SULT2B1: variants seen among roughly 807,000 people sequenced by gnomAD.
SULT2B1 encodes the protein sulfotransferase family 2B member 1.
Under a neutral mutation model 33.2 loss-of-function variants are expected in SULT2B1, and 16 were observed. That is an observed-to-expected ratio of 0.48 (90% CI 0.33 to 0.73). The LOEUF (loss-of-function observed/expected upper bound fraction) is 0.73. SULT2B1 is among the 30% of genes least tolerant of loss of function. The probability of loss-of-function intolerance (pLI) is 0.02; values close to 1 mark genes in which losing one functional copy is unlikely to be tolerated. For synonymous variants in SULT2B1, 186 were observed against 200.5 expected (o/e 0.93, Z 0.61); for missense variants, 500 against 506.0 (o/e 0.99, Z 0.11).
intron 2 of SULT2B1, among the ~76,000 whole-genome samples, chr19:48,584,770 G>C (rs1317806599): frequency 6.6e-6 from 1 of 151,822 alleles, no homozygotes; most frequent in Non-Finnish European, 1.5e-5. Flanking sequence ...GTGGGCGCAG[G>C]CTGGGCATGG....
chr19:48,554,408 G>A (rs1253308513), intron 1 of SULT2B1, among the ~76,000 whole-genome samples: 1 of 114,328 alleles, frequency 8.7e-6, no homozygotes, highest in East Asian at 2.3e-4. Context: ...TTCCCCCTCT[G>A]CTCGCCCCCA....
At chr19:48,578,020 C>T (rs1973437547) in intron 2 of SULT2B1, among the ~76,000 whole-genome samples, 1 of 151,336 alleles carries the variant, frequency 6.6e-6, no homozygotes, top group African/African-American at 2.4e-5. Context: ...AGTTCAAGCC[C>T]AGCCTGGGCA....
intron 1 of SULT2B1, among the ~76,000 whole-genome samples, chr19:48,558,367 C>A (rs1319534244): frequency 3.9e-5 from 6 of 152,206 alleles, no homozygotes; most frequent in African/African-American, 1.4e-4. Flanking sequence ...CAGGCGTTTC[C>A]TTGCATTCCC....
chr19:48,568,597 G>A (rs1406721864), intron 1 of SULT2B1, among the ~76,000 whole-genome samples: 1 of 152,188 alleles, frequency 6.6e-6, no homozygotes, highest in Admixed American at 6.5e-5. Flanking sequence ...GGGAGAGCCT[G>A]GCGGGGAGAA....
At chr19:48,581,455 A>G (rs2544788) in intron 2 of SULT2B1, among the ~76,000 whole-genome samples, 31,539 of 142,210 alleles carry the variant, frequency 0.22, 4,576 homozygotes, top group African/African-American at 0.41. Context: ...TTGTTTTCTT[A>G]TCATTGAGAT....
rs1490714271 is a variant in SULT2B1, at chr19:48,587,353, C to T, written c.339C>T (p.Leu113=). The T allele has an allele frequency of 2.5e-6, 4 of 1,614,084 alleles. No homozygotes were observed. The highest frequency in any genetic ancestry group is 3.4e-6 in the Non-Finnish European group (4 of 1,180,010). Residue 113 remains leucine, a synonymous_variant, in exon 3 of 7, where the codon CTC becomes CTT. Coordinates refer to ENST00000201586, the MANE Select transcript of SULT2B1 (RefSeq NM_177973.2). The part of the protein sequence containing the change: ...WCETIVGAFS[L]PDQYSPRLMS... ...AGACCATTGTGGGTGCCTTCAGCCT[C>T]CCGGACCAGTACAGCCCCCGCCTCA...
chr19:48,595,231 G>A (rs889405991), intron 5 of SULT2B1, among the ~76,000 whole-genome samples: 4 of 151,984 alleles, frequency 2.6e-5, no homozygotes, highest in Non-Finnish European at 5.9e-5. Context: ...GCGGTGAGAC[G>A]AGATCATGCC....
chr19:48,596,910 C>G lies in SULT2B1; in HGVS notation c.817C>G (p.Leu273Val), dbSNP rs1402039153. The change falls in exon 6 of 7, where the codon CTC (leucine) becomes GTC (valine). Residue 273 changes from leucine (L) to valine (V), a missense_variant. Leu to Val is a conservative substitution (Grantham distance 32). Coordinates refer to ENST00000201586, the MANE Select transcript of SULT2B1 (RefSeq NM_177973.2). ...SLLDHRRGAF[L>V]RKGVCGDWKN... ...GCTGGACCACCGTCGCGGGGCCTTC[C>G]TCCGGAAAGGTGCGGGGGTTCTGGG... 1.3e-6 allele frequency: 2 copies of G among 1,594,156 alleles called. No individual in the cohort carries two copies. Among genetic ancestry groups the G allele is most frequent in the Non-Finnish European group, 1.7e-6 (2 of 1,175,198 alleles).
rs71179013 is a variant in SULT2B1 at position 48,579,605 on chromosome 19, C to CTTTCTTTCT, written c.214+3525_214+3526insCTTTCTTTT. ...CCTTTTTCTTTTCTTTTCTTTCTTT[C>CTTTCTTTCT]TTTTTTTTTTTTTTTTTTGAGACGA... On this transcript the variant is annotated intron_variant, in intron 2 of 6. Transcript: ENST00000201586. 4.0e-3 allele frequency among the ~76,000 whole-genome samples: 318 copies of CTTTCTTTCT among 79,764 alleles called. 3 individuals are homozygous for CTTTCTTTCT. In the Middle Eastern group the frequency reaches 0.045, roughly 11 times the overall value. The allele number at this position is 79,764 out of a possible 152,430, so 52.3% of individuals were successfully genotyped here.
At chr19:48,593,894 A>C (rs1973677020) in intron 5 of SULT2B1, among the ~76,000 whole-genome samples, 1 of 149,730 alleles carries the variant, frequency 6.7e-6, no homozygotes, top group African/African-American at 2.4e-5. Context: ...TCGGCCTCCC[A>C]AAGTTTTTAT....
chr19:48,573,635 G>A (rs1973360852), intron 1 of SULT2B1, among the ~76,000 whole-genome samples: 1 of 152,004 alleles, frequency 6.6e-6, no homozygotes, highest in Non-Finnish European at 1.5e-5. Context: ...ACTACTGCTC[G>A]GTGCATTTGG....
chr19:48,569,363 CATATAT>C (rs1159840741), intron 1 of SULT2B1, among the ~76,000 whole-genome samples: 754 of 33,138 alleles, frequency 0.023, 7 homozygotes, highest in Non-Finnish European at 0.03. Flanking sequence ...AAAAAAAAAA[CATATAT>C]ATATATATAT....
chr19:48,592,196 A>G (rs1299410582), intron 4 of SULT2B1, among the ~76,000 whole-genome samples: 2 of 152,032 alleles, frequency 1.3e-5, no homozygotes, highest in African/African-American at 4.8e-5. Context: ...GGAGGCTGAG[A>G]CAGGAGAATG....
At chr19:48,578,034 T>G (rs1361633521) in intron 2 of SULT2B1, among the ~76,000 whole-genome samples, 1 of 143,794 alleles carries the variant, frequency 7.0e-6, no homozygotes, top group East Asian at 2.2e-4. Flanking sequence ...CTGGGCAACA[T>G]AGCAAGACCC....
chr19:48,595,919 T>TA (rs1973707087), intron 5 of SULT2B1: 1 of 152,444 alleles, frequency 6.6e-6, no homozygotes. Context: ...CCTCCCAAAG[T>TA]GCTGGGATTA....
At chr19:48,579,610 T>C (rs796105584) in intron 2 of SULT2B1, among the ~76,000 whole-genome samples, 1 of 140,296 alleles carries the variant, frequency 7.1e-6, no homozygotes, top group Non-Finnish European at 1.6e-5. Flanking sequence ...TCTTTCTTTT[T>C]TTTTTTTTTT....
intron 1 of SULT2B1, among the ~76,000 whole-genome samples, chr19:48,573,144 G>T (rs1447543580): frequency 1.5e-5 from 2 of 133,794 alleles, no homozygotes; most frequent in African/African-American, 5.9e-5. Context: ...TGACAGAGCA[G>T]GACTCCATCT....
rs1293196642 is a variant in SULT2B1, at chr19:48,569,329, G to A, written c.72-6612G>A. Among the ~76,000 whole-genome samples, 104 of 135,160 alleles carry A rather than the reference G, an allele frequency of 7.7e-4. 1 individual carries two copies. Among genetic ancestry groups the A allele is most frequent in the African/African-American group, 2.6e-3 (97 of 36,628 alleles). 88.7% of individuals were successfully genotyped at this position (135,160 alleles called of 152,430 possible). Reference sequence around the variant, plus strand: ...TGCACTCCAGCCTGGGCGACAGAGAGAGACTCCGTCTCAAAAAAAAAAAAA... The same window carrying A: ...TGCACTCCAGCCTGGGCGACAGAGAAAGACTCCGTCTCAAAAAAAAAAAAA... On this transcript the variant is annotated intron_variant, in intron 1 of 6. Transcript: ENST00000201586.
chr19:48,568,670 G>T (rs938277459), intron 1 of SULT2B1, among the ~76,000 whole-genome samples: 4 of 152,172 alleles, frequency 2.6e-5, no homozygotes, highest in African/African-American at 7.2e-5. Flanking sequence ...GGAGTGAAGC[G>T]CATTGAACCC....
Sources: gnomAD v4.1 joint callset for allele counts (sites outside exome capture counted in the v4.1 genomes callset) on GRCh38, gnomAD v4.1.1 for gene constraint, MANE v1.5 for transcripts, NCBI Gene and HGNC (gene_info 2026-07-23, HGNC 2026-07-21) for gene names.